DGKB: variants seen among roughly 807,000 people sequenced by gnomAD.
DGKB encodes the protein 90 kDa diacylglycerol kinase.
Under a neutral mutation model 114.3 loss-of-function variants are expected in DGKB, and 67 were observed. That is an observed-to-expected ratio of 0.59 (90% CI 0.48 to 0.72). DGKB has a LOEUF of 0.72. DGKB is among the 30% of genes least tolerant of loss of function. DGKB has a pLI of 0.00. For synonymous variants in DGKB, 398 were observed against 323.1 expected (o/e 1.23, Z -2.49); for missense variants, 907 against 975.2 (o/e 0.93, Z 0.93).
chr7:14,792,174 A>G (rs1840753215), intron 2 of DGKB, among the ~76,000 whole-genome samples: 1 of 152,144 alleles, frequency 6.6e-6, no homozygotes, highest in Non-Finnish European at 1.5e-5. Context: ...TTCTAGCTAC[A>G]TGACATCTAC....
intron 21 of DGKB, among the ~76,000 whole-genome samples, chr7:14,438,163 T>G (rs1829558853): frequency 6.6e-6 from 1 of 152,054 alleles, no homozygotes; most frequent in Non-Finnish European, 1.5e-5. Context: ...AATTCAAACT[T>G]GACAGATTTC....
rs1426422029 is a variant in DGKB, at chr7:14,458,488, A to C, written c.1835+19673T>G. Reference sequence around the variant, plus strand: ...AAGGTGGGTGATTTCTGCATTTCCAACTGAGGCACCCAGCTCCTCTCATTT... The same window carrying C: ...AAGGTGGGTGATTTCTGCATTTCCACCTGAGGCACCCAGCTCCTCTCATTT... On this transcript the variant is annotated intron_variant, in intron 21 of 25. Transcript: ENST00000402815. Among the ~76,000 whole-genome samples the C allele has an allele frequency of 2.0e-5, 3 of 152,092 alleles. No individual in the cohort carries two copies. The East Asian group carries it at 5.8e-4, about 30-fold the overall frequency.
At chr7:14,851,524 T>C (rs1849349966) in intron 1 of DGKB, among the ~76,000 whole-genome samples, 1 of 152,166 alleles carries the variant, frequency 6.6e-6, no homozygotes, top group Non-Finnish European at 1.5e-5. Flanking sequence ...ATAGATCCTA[T>C]TTTCCAAGAA....
At chr7:14,160,214 C>T (rs578155526) in intron 25 of DGKB, among the ~76,000 whole-genome samples, 1 of 152,146 alleles carries the variant, frequency 6.6e-6, no homozygotes, top group Admixed American at 6.5e-5. Flanking sequence ...AAAACTGGCA[C>T]AAGTCAAAGA....
intron 1 of DGKB, among the ~76,000 whole-genome samples, chr7:14,957,888 A>G (rs1786602286): frequency 6.6e-6 from 1 of 152,080 alleles, no homozygotes; most frequent in Non-Finnish European, 1.5e-5. Context: ...GAAAGTTCAA[A>G]ATTTAGTTGA....
intron 21 of DGKB, among the ~76,000 whole-genome samples, chr7:14,382,973 G>A (rs1819724806): frequency 6.6e-6 from 1 of 152,202 alleles, no homozygotes; most frequent in Non-Finnish European, 1.5e-5. Context: ...GTGGTGTCCA[G>A]GCGAGAAACG....
At chr7:14,909,644 A>G (rs1205447322) in intron 1 of DGKB, among the ~76,000 whole-genome samples, 15 of 152,218 alleles carry the variant, frequency 9.9e-5, no homozygotes, top group Admixed American at 9.8e-4. Flanking sequence ...ATAAGAATAC[A>G]TTGCATAATT....
At chr7:14,206,058 A>G (rs1221305501) in intron 23 of DGKB, among the ~76,000 whole-genome samples, 1 of 152,070 alleles carries the variant, frequency 6.6e-6, no homozygotes, top group Non-Finnish European at 1.5e-5. Flanking sequence ...AAACTTGCAT[A>G]TTAACTACAA....
intron 25 of DGKB, among the ~76,000 whole-genome samples, chr7:14,150,579 A>G (rs1468860259): frequency 6.6e-6 from 1 of 152,072 alleles, no homozygotes; most frequent in African/African-American, 2.4e-5. Flanking sequence ...CTTTCCTGCA[A>G]AAATAAATTG....
At chr7:14,279,705 A>AC (rs1799621989) in intron 23 of DGKB, among the ~76,000 whole-genome samples, 1 of 151,608 alleles carries the variant, frequency 6.6e-6, no homozygotes, top group African/African-American at 2.4e-5. Flanking sequence ...CTCACCCCTG[A>AC]CCCCCGAGCA....
intron 6 of DGKB, among the ~76,000 whole-genome samples, chr7:14,705,401 A>G (rs1461657389): frequency 6.6e-6 from 1 of 150,836 alleles, no homozygotes; most frequent in African/African-American, 2.4e-5. Context: ...TCTGCAGGAT[A>G]TTATCCAGGA....
chr7:14,882,848 C>CCCTA (rs1854449633), intron 1 of DGKB, among the ~76,000 whole-genome samples: 1 of 151,722 alleles, frequency 6.6e-6, no homozygotes, highest in Non-Finnish European at 1.5e-5. Flanking sequence ...TCTTATCTTA[C>CCCTA]CCTATCTTAT....
intron 1 of DGKB, among the ~76,000 whole-genome samples, chr7:14,851,344 C>T (rs886190669): frequency 6.6e-6 from 1 of 152,086 alleles, no homozygotes; most frequent in Admixed American, 6.6e-5. Flanking sequence ...GGTTTATTAT[C>T]TTATTCTTGT....
rs112540938 is a variant in DGKB, at chr7:14,847,115, C to G, written c.-187-5665G>C. Among the ~76,000 whole-genome samples the G allele has an allele frequency of 2.0e-3, 306 of 151,998 alleles. 3 individuals are homozygous for G. The highest frequency in any genetic ancestry group is 6.7e-3 in the African/African-American group (276 of 41,472). On this transcript the variant is annotated intron_variant, in intron 1 of 25. Transcript: ENST00000402815. The stretch of plus-strand genomic sequence containing the variant: ...ACCATCCTGGCTAACACGGTGAAAC[C>G]CCGTCTCTACTAAAAATACAAAAAA...
chr7:14,398,340 G>GA (rs1822559281), intron 21 of DGKB, among the ~76,000 whole-genome samples: 1 of 151,956 alleles, frequency 6.6e-6, no homozygotes, highest in African/African-American at 2.4e-5. Flanking sequence ...ATGAAAATTA[G>GA]AAAAACAGAC....
intron 21 of DGKB, among the ~76,000 whole-genome samples, chr7:14,419,176 C>T (rs1308865997): frequency 6.6e-6 from 1 of 151,498 alleles, no homozygotes; most frequent in East Asian, 1.9e-4. Flanking sequence ...ACTGTAATTA[C>T]GTATGAAGAA....
rs1483902610 is a variant in DGKB, at chr7:14,660,086, C to T, written c.1134+12843G>A. 4.0e-5 allele frequency among the ~76,000 whole-genome samples: 6 copies of T among 151,160 alleles called. No homozygotes were observed. In the East Asian group the frequency reaches 1.2e-3, roughly 31 times the overall value. ...CCTTGCATCCCAGGGATGAAGCCCA[C>T]ATGATCATGGTGGATAAGCTTTTTG... On this transcript the variant is annotated intron_variant, in intron 13 of 25. Transcript: ENST00000402815.
chr7:14,575,376 T>A (rs1798970794), intron 19 of DGKB, among the ~76,000 whole-genome samples: 1 of 152,174 alleles, frequency 6.6e-6, no homozygotes, highest in Non-Finnish European at 1.5e-5. Context: ...TGATAGACGG[T>A]CAACATGACC....
rs992695009 is a variant in DGKB at position 14,146,231 on chromosome 7, G to A, written c.*2900C>T. 1.3e-5 allele frequency: 2 copies of A among 152,190 alleles called. No homozygotes were observed. Among genetic ancestry groups the A allele is most frequent in the African/African-American group, 2.4e-5 (1 of 41,442 alleles). 9.4% of individuals were successfully genotyped at this position (152,190 alleles called of 1,614,324 possible). On this transcript the variant is annotated 3_prime_UTR_variant, in exon 26 of 26. Transcript: ENST00000402815. ...CGTCTTTTAAACTTTCTGGTTCTAT[G>A]TAGATACCTCCCTTCCTATCTCTTA...
Sources: allele counts gnomAD v4.1 joint callset (sites outside exome capture counted in the v4.1 genomes callset), GRCh38; gene constraint gnomAD v4.1.1; transcripts MANE v1.5; gene names NCBI Gene and HGNC (gene_info 2026-07-23, HGNC 2026-07-21).